PIK3C2A: variants seen among roughly 807,000 people sequenced by gnomAD.
PIK3C2A encodes the protein phosphatidylinositol 4-phosphate 3-kinase C2 domain-containing subunit alpha.
In PIK3C2A, 97 loss-of-function variants were observed where a neutral mutation model predicts 204.5. That is an observed-to-expected ratio of 0.47 (90% confidence interval 0.40 to 0.56). The LOEUF (loss-of-function observed/expected upper bound fraction) is 0.56. Among genes scored for constraint, PIK3C2A ranks in the 20% least tolerant of loss-of-function variants. The pLI is 0.00. For synonymous variants in PIK3C2A, 653 were observed against 664.4 expected (o/e 0.98, Z 0.26); for missense variants, 1,735 against 1,969.2 (o/e 0.88, Z 2.25).
At chr11:17,125,640 A>C (rs1434744246) in intron 13 of PIK3C2A, among the ~76,000 whole-genome samples, 1 of 151,844 alleles carries the variant, frequency 6.6e-6, no homozygotes, top group Non-Finnish European at 1.5e-5. Context: ...TCAGCCTCCC[A>C]AGTAGCTGGG....
At chr11:17,091,526 T>C (rs767275351) in intron 31 of PIK3C2A, 21 bp downstream of exon 31, 3 of 1,607,788 alleles carry the variant, frequency 1.9e-6, no homozygotes, top group South Asian at 1.1e-5. Context: ...TCTACAACCA[T>C]CATTCTTTGT....
At chr11:17,147,443 A>C in intron 6 of PIK3C2A, 74 bp downstream of exon 6, 1 of 785,502 alleles carries the variant, frequency 1.3e-6, no homozygotes, top group Non-Finnish European at 2.2e-6. Flanking sequence ...AAAATGTACA[A>C]GTTGAAAATT....
At position 17,114,215 on chromosome 11, in the gene PIK3C2A, TA is replaced by T. The variant is rs1849100384; in HGVS notation, c.3321+145del. 6.8e-6 allele frequency: 3 copies of T among 442,672 alleles called. No homozygotes were observed. The South Asian group carries it at 2.0e-4, about 30-fold the overall frequency. The allele number at this position is 442,672 out of a possible 1,614,324, so 27.4% of individuals were successfully genotyped here. On this transcript the variant is annotated intron_variant, in intron 20 of 32. Transcript: ENST00000691414. Reference sequence around the variant, plus strand: ...GGTTAGGTAAAAAAATATGCTAAGATAAATATGGATCCTAATCACAACCATC... The same window carrying T: ...GGTTAGGTAAAAAAATATGCTAAGATAATATGGATCCTAATCACAACCATC...
chr11:17,159,530 C>T (rs1415431504), intron 2 of PIK3C2A, among the ~76,000 whole-genome samples: 2 of 152,166 alleles, frequency 1.3e-5, no homozygotes, highest in East Asian at 3.9e-4. Flanking sequence ...ATTTAGTGAT[C>T]ATCCAATTTC....
At chr11:17,160,235 C>A (rs539992358) in intron 2 of PIK3C2A, among the ~76,000 whole-genome samples, 1 of 151,860 alleles carries the variant, frequency 6.6e-6, no homozygotes, top group African/African-American at 2.4e-5. Flanking sequence ...AAGCACTGGC[C>A]AAGGGAAAAC....
intron 12 of PIK3C2A, among the ~76,000 whole-genome samples, chr11:17,131,217 TAA>T (rs1285309997): frequency 6.6e-6 from 1 of 152,082 alleles, no homozygotes; most frequent in Non-Finnish European, 1.5e-5. Context: ...CTTTTTTCGT[TAA>T]GTGTTGATTA....
In PIK3C2A at chr11:17,110,570, C is replaced by G. The variant is rs369267833; in HGVS notation, c.3415-9G>C. On this transcript the variant is annotated splice_polypyrimidine_tract_variant and intron_variant, in intron 21 of 32. Transcript: ENST00000691414. ...CGAAGATCTTCACCAACCTTGAAAT[C>G]AAGGAAACAAAATGAAACTTGTACA... 6.2e-7 allele frequency: 1 copy of G among 1,602,278 alleles called. No individual in the cohort carries two copies. The highest frequency in any genetic ancestry group is 1.3e-5 in the African/African-American group (1 of 74,344).
intron 11 of PIK3C2A, among the ~76,000 whole-genome samples, chr11:17,133,949 G>C (rs549708609): frequency 2.6e-5 from 4 of 151,734 alleles, no homozygotes; most frequent in African/African-American, 9.7e-5. Flanking sequence ...TAATAATAAT[G>C]AACGAACACC....
At chr11:17,168,600 AAAAAACAC>A (rs1851050516) in intron 2 of PIK3C2A, 69 bp downstream of exon 2, 1 of 1,107,074 alleles carries the variant, frequency 9.0e-7, no homozygotes, top group East Asian at 2.4e-5. Flanking sequence ...AACAAAAACA[AAAAAACAC>A]AAATTATGTA....
Position 17,172,907 on chromosome 11 carries a change from T to G in PIK3C2A, c.-65-3101A>C, listed in dbSNP as rs1212496634. ...TCTCCATATTGAAGGGGGGGAAATCTTAACATTCCCGTTTAGATTCCAGTA... is the reference window on the plus strand; with the variant it reads ...TCTCCATATTGAAGGGGGGGAAATCGTAACATTCCCGTTTAGATTCCAGTA... On this transcript the variant is annotated intron_variant, in intron 1 of 32. Transcript: ENST00000691414. 2.0e-5 allele frequency among the ~76,000 whole-genome samples: 3 copies of G among 152,234 alleles called. No homozygotes were observed. In the East Asian group the frequency reaches 5.8e-4, roughly 29 times the overall value.
chr11:17,133,264 C>CGT lies in PIK3C2A; in HGVS notation c.2109-1228_2109-1227dup, dbSNP rs147571781. ...ATATTTGTGTGTGTCTATGTACAAA[C>CGT]GTGTGTGTGTGTGTGTGTGCCTATG... On this transcript the variant is annotated intron_variant, in intron 11 of 32. Transcript: ENST00000691414. 3.7e-3 allele frequency among the ~76,000 whole-genome samples: 552 copies of CGT among 149,456 alleles called. 1 individual carries two copies. Among genetic ancestry groups the CGT allele is most frequent in the East Asian group, 8.4e-3 (43 of 5,110 alleles).
chr11:17,118,759 G>T lies in PIK3C2A; in HGVS notation c.2941-20C>A. On this transcript the variant is annotated intron_variant, in intron 17 of 32. Coordinates refer to ENST00000691414, the MANE Select transcript of PIK3C2A (RefSeq NM_002645.4). The stretch of plus-strand genomic sequence containing the variant: ...CAAAGCCTACAGTAAAAGAAAATAA[G>T]AATTATTAGTGGTCTAACCCATACT... 8.4e-7 allele frequency: 1 copy of T among 1,189,450 alleles called. No individual in the cohort carries two copies. Among genetic ancestry groups the T allele is most frequent in the South Asian group, 1.3e-5 (1 of 79,236 alleles). 73.7% of individuals were successfully genotyped at this position (1,189,450 alleles called of 1,614,324 possible).
chr11:17,198,945 A>C (rs1017884027), intron 1 of PIK3C2A, among the ~76,000 whole-genome samples: 4 of 151,942 alleles, frequency 2.6e-5, no homozygotes, highest in Admixed American at 6.6e-5. Context: ...GTGGTGAAAC[A>C]CTGTCTCTAC....
chr11:17,181,236 T>C (rs533691465), intron 1 of PIK3C2A, among the ~76,000 whole-genome samples: 2 of 152,208 alleles, frequency 1.3e-5, no homozygotes, highest in South Asian at 2.1e-4. Context: ...CCATTGGTAA[T>C]TGGTCTCTAG....
intron 22 of PIK3C2A, 26 bp downstream of exon 22, chr11:17,110,406 C>T (rs1256954930): frequency 1.3e-6 from 2 of 1,583,148 alleles, no homozygotes; most frequent in Non-Finnish European, 1.7e-6. Flanking sequence ...AAAAATAAGA[C>T]ATCAAGACAC....
chr11:17,148,904 G>A, intron 4 of PIK3C2A, 117 bp from the exon 5 acceptor site: 5 of 677,374 alleles, frequency 7.4e-6, no homozygotes, highest in African/African-American at 1.8e-5. Flanking sequence ...CACAAATGTA[G>A]GCCACATATA....
chr11:17,108,191 A>C (rs1848892056), intron 22 of PIK3C2A, among the ~76,000 whole-genome samples: 1 of 152,208 alleles, frequency 6.6e-6, no homozygotes, highest in African/African-American at 2.4e-5. Flanking sequence ...TGAATTCTAA[A>C]AGAGCTGTAA....
Position 17,091,415 on chromosome 11 carries a change from G to T in PIK3C2A, c.4797C>A (p.Tyr1599Ter), listed in dbSNP as rs1184062618. Reference sequence around the variant, plus strand: ...ATGTTTTGTGGTTATCTGGAAGTAGGTATGTTTTGACATATGGATTTGGGT... The same window carrying T: ...ATGTTTTGTGGTTATCTGGAAGTAGTTATGTTTTGACATATGGATTTGGGT... ...GADPNPYVKT[Y>*]LLPDNHKTSK... The change falls in exon 32 of 33, where the codon TAC becomes TAA. Residue 1599 changes from tyrosine to a stop codon, truncating the protein, a stop_gained. Transcript: ENST00000691414. LOFTEE classifies it high-confidence loss of function. 6.2e-7 allele frequency: 1 copy of T among 1,613,630 alleles called. No homozygotes were observed. Among genetic ancestry groups the T allele is most frequent in the Non-Finnish European group, 8.5e-7 (1 of 1,179,734 alleles).
intron 9 of PIK3C2A, among the ~76,000 whole-genome samples, chr11:17,135,919 T>C (rs1217161862): frequency 6.6e-6 from 1 of 152,130 alleles, no homozygotes; most frequent in East Asian, 1.9e-4. Context: ...TCCTTGCAAT[T>C]AAAGATATAA....
Sources: allele counts gnomAD v4.1 joint callset (sites outside exome capture counted in the v4.1 genomes callset), GRCh38; gene constraint gnomAD v4.1.1; transcripts MANE v1.5; gene names NCBI Gene and HGNC (gene_info 2026-07-23, HGNC 2026-07-21).